NXPE2: variants seen among roughly 807,000 people sequenced by gnomAD.
NXPE2 encodes the protein NXPE family member 2.
Under a neutral mutation model 34.4 loss-of-function variants are expected in NXPE2, and 34 were observed. The ratio of observed to expected loss-of-function variants is 0.99; its 90% CI spans 0.75 to 1.31. The LOEUF is 1.31. Among genes scored for constraint, NXPE2 ranks in the 40% most tolerant of loss-of-function variants. NXPE2 has a pLI of 0.00. For missense variants in NXPE2, 649 were observed against 672.5 expected (o/e 0.97, Z 0.39); for synonymous variants, 235 against 231.3 (o/e 1.02, Z -0.15).
the NXPE2 span, among the ~76,000 whole-genome samples, chr11:114,791,059 C>A: frequency 0.024 from 3,582 of 151,952 alleles, 158 homozygotes; most frequent in African/African-American, 0.082. Flanking sequence ...AGAACAAACC[C>A]TGCATATGCT....
At chr11:114,628,420 A>G in the NXPE2 span, among the ~76,000 whole-genome samples, 5 of 152,320 alleles carry the variant, frequency 3.3e-5, no homozygotes, top group East Asian at 5.8e-4. Context: ...CTGAATGACT[A>G]CTGGGTACAT....
the NXPE2 span, among the ~76,000 whole-genome samples, chr11:114,536,911 T>A: frequency 7.9e-5 from 12 of 151,978 alleles, 1 homozygote; most frequent in South Asian, 2.1e-3. Flanking sequence ...AAAACGGGAA[T>A]CCTCCCTAAC....
the NXPE2 span, among the ~76,000 whole-genome samples, chr11:114,597,862 ACTCACATTTCAAAATACAATCATTGTT>A: frequency 1.4e-4 from 21 of 152,192 alleles, no homozygotes; most frequent in South Asian, 4.0e-3. Flanking sequence ...ATTAATCTAC[ACTCACATTTCAAAATACAATCATTGTT>A]CTCACATTTC....
the NXPE2 span, among the ~76,000 whole-genome samples, chr11:114,507,548 T>C: frequency 6.6e-6 from 1 of 152,112 alleles, no homozygotes; most frequent in Non-Finnish European, 1.5e-5. Flanking sequence ...TCCACCATGA[T>C]TAAGTAGGCT....
the NXPE2 span, chr11:114,527,722 T>G: frequency 1.6e-6 from 1 of 611,228 alleles, no homozygotes; most frequent in South Asian, 3.0e-5. Flanking sequence ...AAGTCCAGCA[T>G]GATTGACATC....
At chr11:114,620,707 T>C in the NXPE2 span, among the ~76,000 whole-genome samples, 26,816 of 152,048 alleles carry the variant, frequency 0.18, 2,580 homozygotes, top group African/African-American at 0.24. Context: ...TGGTGGATAA[T>C]AAGTACTGCC....
chr11:114,789,064 A>C, the NXPE2 span, among the ~76,000 whole-genome samples: 1 of 152,228 alleles, frequency 6.6e-6, no homozygotes, highest in African/African-American at 2.4e-5. Context: ...CAATGAACAA[A>C]ATATTAACTT....
the NXPE2 span, among the ~76,000 whole-genome samples, chr11:114,548,148 T>C: frequency 1.3e-5 from 2 of 152,128 alleles, no homozygotes; most frequent in African/African-American, 4.8e-5. Flanking sequence ...AAGCAATGAA[T>C]ATTTATGCAC....
At chr11:114,537,418 A>T in the NXPE2 span, among the ~76,000 whole-genome samples, 2 of 152,178 alleles carry the variant, frequency 1.3e-5, no homozygotes, top group Admixed American at 1.3e-4. Context: ...ATAGGGTTGG[A>T]AGTTCTGGCC....
chr11:114,583,602 C>T, the NXPE2 span: 5 of 595,202 alleles, frequency 8.4e-6, no homozygotes, highest in Admixed American at 9.3e-5. Flanking sequence ...ACTGGTGGCT[C>T]TGTGGCAAGT....
At chr11:114,768,713 A>G in the NXPE2 span, among the ~76,000 whole-genome samples, 14 of 152,118 alleles carry the variant, frequency 9.2e-5, no homozygotes, top group South Asian at 2.7e-3. Context: ...CTCTCTGTCT[A>G]TTATTGGTGT....
At chr11:114,611,476 C>T in the NXPE2 span, among the ~76,000 whole-genome samples, 167 of 151,966 alleles carry the variant, frequency 1.1e-3, 1 homozygote, top group African/African-American at 3.8e-3. Flanking sequence ...CGTGGGTAAC[C>T]ACTGTTACCC....
the NXPE2 span, among the ~76,000 whole-genome samples, chr11:114,757,353 C>T: frequency 3.3e-5 from 5 of 151,752 alleles, no homozygotes; most frequent in African/African-American, 1.2e-4. Context: ...GCAAGACATT[C>T]GTTACCCTAG....
intron 2 of NXPE2, among the ~76,000 whole-genome samples, chr11:114,687,353 C>T (rs1241451803): frequency 6.6e-6 from 1 of 152,080 alleles, no homozygotes; most frequent in African/African-American, 2.4e-5. Context: ...TTCCCAGCCC[C>T]ATTTATTGAA....
chr11:114,530,369 G>C, the NXPE2 span: 5 of 1,614,028 alleles, frequency 3.1e-6, no homozygotes, highest in Admixed American at 3.3e-5. Flanking sequence ...AGACATGAGA[G>C]GTGCCATTAA....
At chr11:114,640,491 G>T in the NXPE2 span, among the ~76,000 whole-genome samples, 4 of 151,720 alleles carry the variant, frequency 2.6e-5, no homozygotes, top group African/African-American at 9.7e-5. Flanking sequence ...GATTGCTGCA[G>T]TCAATGGTAG....
the NXPE2 span, among the ~76,000 whole-genome samples, chr11:114,615,060 G>A: frequency 8.6e-5 from 13 of 151,938 alleles, no homozygotes; most frequent in African/African-American, 2.2e-4. Context: ...GTGTTGCCTC[G>A]TGGGTAACAA....
At chr11:114,795,745 G>A in the NXPE2 span, among the ~76,000 whole-genome samples, 1 of 152,218 alleles carries the variant, frequency 6.6e-6, no homozygotes, top group Non-Finnish European at 1.5e-5. Flanking sequence ...CCATGCACCT[G>A]TGCATGTCTT....
At chr11:114,544,407 A>G in the NXPE2 span, among the ~76,000 whole-genome samples, 14 of 152,222 alleles carry the variant, frequency 9.2e-5, no homozygotes, top group East Asian at 2.7e-3. Context: ...CATAATAGAA[A>G]GCCAATAAAC....
Sources: allele counts gnomAD v4.1 joint callset (sites outside exome capture counted in the v4.1 genomes callset), GRCh38; gene constraint gnomAD v4.1.1; transcripts MANE v1.5; gene names NCBI Gene and HGNC (gene_info 2026-07-23, HGNC 2026-07-21).